The following MTMR8 variants were observed in gnomAD, a reference collection of about 807,000 sequenced individuals.
The protein encoded by MTMR8 is myotubularin related protein 8, also known as phosphatidylinositol-3,5-bisphosphate 3-phosphatase MTMR8.
In MTMR8, 65 loss-of-function variants were observed where a neutral mutation model predicts 39.3. The ratio of observed to expected loss-of-function variants is 1.65; its 90% CI spans 1.35 to 2.03. The LOEUF (loss-of-function observed/expected upper bound fraction) is 2.03. Ranked by LOEUF, MTMR8 falls within the 30% of genes most tolerant of loss-of-function variation. The pLI is 0.00. For missense variants in MTMR8, 777 were observed against 538.9 expected (o/e 1.44, Z -4.37); for synonymous variants, 245 against 185.2 (o/e 1.32, Z -2.62).
At chrX:64,296,032 C>T (rs1921568094) in intron 12 of MTMR8, among the ~76,000 whole-genome samples, 1 of 111,837 alleles carries the variant, frequency 8.9e-6, no homozygotes, top group Non-Finnish European at 1.9e-5. Context: ...AATTATTAGC[C>T]AAAGCTAAAA....
chrX:64,349,945 G>A lies in MTMR8; in HGVS notation c.594C>T (p.Asn198=). 1.7e-6 allele frequency: 2 copies of A among 1,157,088 alleles called. No homozygotes were observed. The highest frequency in any genetic ancestry group is 2.3e-6 in the Non-Finnish European group (2 of 867,536). ...VPVLSYLYKE[N]NAAICRCSQP... ...TAGAGAAATCTGCTTAACTTACATT[G>A]TTCTCTTTGTAGAGGTAGGAGAGCA... The change falls in exon 5 of 14, where the codon AAC becomes AAT. Residue 198 remains asparagine, a synonymous_variant. Coordinates refer to ENST00000374852, the MANE Select transcript of MTMR8 (RefSeq NM_017677.4).
At chrX:64,312,133 T>C (rs1200658043) in intron 12 of MTMR8, among the ~76,000 whole-genome samples, 2 of 111,806 alleles carry the variant, frequency 1.8e-5, no homozygotes, top group Non-Finnish European at 3.8e-5. Flanking sequence ...TTCCTACCCA[T>C]GAGCATGGAA....
rs149214410 is a variant in MTMR8 at position 64,389,573 on chromosome X, T to A, written c.24+5767A>T. Among the ~76,000 whole-genome samples, 435 of 111,720 alleles carry A rather than the reference T, an allele frequency of 3.9e-3. 1 individual carries two copies. The highest frequency in any genetic ancestry group is 0.014 in the African/African-American group (417 of 30,736). ...AACAGTGTCTAAAATGCCAGACCAC[T>A]GCCACCAGGGCTTTCTAGGTAGCCT... On this transcript the variant is annotated intron_variant, in intron 1 of 13. Transcript: ENST00000374852.
chrX:64,313,801 T>G (rs1016379240), intron 12 of MTMR8, among the ~76,000 whole-genome samples: 1 of 112,718 alleles, frequency 8.9e-6, no homozygotes, highest in African/African-American at 3.2e-5. Flanking sequence ...TTCAGCCATC[T>G]TAGCCTGGTT....
chrX:64,284,933 C>T lies in MTMR8; in HGVS notation c.1482-13860G>A, dbSNP rs769253856. ...TGAATCAACTAATGAGCAAAATAAC[C>T]AGCTAACATCATAACGACAGGATCA... On this transcript the variant is annotated intron_variant, in intron 12 of 13. Transcript: ENST00000374852. Among the ~76,000 whole-genome samples, 5 of 111,950 alleles carry T rather than the reference C, an allele frequency of 4.5e-5. No individual in the cohort carries two copies. The South Asian group carries it at 1.1e-3, about 25-fold the overall frequency.
chrX:64,331,515 C>A (rs771515886), intron 11 of MTMR8, 42 bp downstream of exon 11: 10 of 1,155,705 alleles, frequency 8.7e-6, no homozygotes, highest in African/African-American at 1.8e-5. Flanking sequence ...TTGCACTGAC[C>A]ACCTTCTCCC....
Position 64,300,322 on chromosome X carries a change from T to C in MTMR8, c.1481+28450A>G, listed in dbSNP as rs1921808455. The stretch of plus-strand genomic sequence containing the variant: ...GCTCTTCTTGTTGAATTGATCCCTT[T>C]ACCATTATGTAATGGCCTTGTCTCT... On this transcript the variant is annotated intron_variant, in intron 12 of 13. Coordinates refer to ENST00000374852, the MANE Select transcript of MTMR8 (RefSeq NM_017677.4). Among the ~76,000 whole-genome samples the C allele has an allele frequency of 3.6e-5, 4 of 111,926 alleles. 1 individual carries two copies. In the South Asian group the frequency reaches 1.5e-3, roughly 42 times the overall value.
intron 4 of MTMR8, among the ~76,000 whole-genome samples, chrX:64,351,006 T>A (rs1182817701): frequency 3.6e-5 from 4 of 111,781 alleles, no homozygotes; most frequent in Non-Finnish European, 5.6e-5. Flanking sequence ...ATGTAACTCA[T>A]TAAAGTCAAT....
chrX:64,324,123 G>A (rs888482877), intron 12 of MTMR8, among the ~76,000 whole-genome samples: 2 of 112,344 alleles, frequency 1.8e-5, no homozygotes, highest in Non-Finnish European at 1.9e-5. Context: ...AGCACTTTTG[G>A]GGGGGCCAAA....
chrX:64,387,051 C>T (rs1264008810), intron 1 of MTMR8, among the ~76,000 whole-genome samples: 1 of 110,807 alleles, frequency 9.0e-6, no homozygotes, highest in African/African-American at 3.3e-5. Context: ...AAGGCCTTGT[C>T]TCAAAAAAGA....
At chrX:64,312,826 G>C (rs1922354310) in intron 12 of MTMR8, among the ~76,000 whole-genome samples, 2 of 112,248 alleles carry the variant, frequency 1.8e-5, no homozygotes, top group African/African-American at 6.5e-5. Context: ...ATCTCCATAA[G>C]AGCTCCTAGA....
At position 64,268,865 on chromosome X, in the gene MTMR8, G is replaced by C. The variant is rs139492339; in HGVS notation, c.1787C>G (p.Ala596Gly). ...GTLSREGGLR[A>G]QMDQVKSQGA... The stretch of plus-strand genomic sequence containing the variant: ...CTGGCTTTTTACTTGATCCATCTGA[G>C]CTCGGAGGCCTCCTTCCCTGGATAG... The change falls in exon 14 of 14, where the codon GCT (alanine) becomes GGT (glycine). Residue 596 changes from alanine (A) to glycine (G), a missense_variant. By Grantham distance (60) the Ala-to-Gly change is moderately conservative (BLOSUM62 0). Transcript: ENST00000374852. 5.7e-5 allele frequency: 69 copies of C among 1,209,726 alleles called. No individual in the cohort carries two copies. The African/African-American group carries it at 1.1e-3, about 18-fold the overall frequency.
chrX:64,358,636 T>C (rs895756814), intron 2 of MTMR8, among the ~76,000 whole-genome samples: 2 of 111,402 alleles, frequency 1.8e-5, no homozygotes, highest in Admixed American at 1.9e-4. Flanking sequence ...GCTCTAAAGC[T>C]TTAATCACTA....
chrX:64,358,613 C>T (rs1340427222), intron 2 of MTMR8, among the ~76,000 whole-genome samples: 1 of 111,101 alleles, frequency 9.0e-6, no homozygotes, highest in African/African-American at 3.3e-5. Context: ...GGGATTTCAA[C>T]CTGAGCAGAC....
intron 12 of MTMR8, chrX:64,305,291 AT>A: frequency 5.7e-6 from 1 of 174,843 alleles, no homozygotes; most frequent in African/African-American, 3.1e-5. Flanking sequence ...GCCATTTTTA[AT>A]ATATTAATTC....
intron 12 of MTMR8, among the ~76,000 whole-genome samples, chrX:64,278,956 G>A (rs867963434): frequency 1.8e-5 from 2 of 111,598 alleles, no homozygotes; most frequent in African/African-American, 3.3e-5. Context: ...CGTCCCAGAG[G>A]GGCACCTGCC....
intron 2 of MTMR8, among the ~76,000 whole-genome samples, chrX:64,358,061 C>T (rs1033701611): frequency 3.6e-5 from 4 of 111,806 alleles, no homozygotes; most frequent in African/African-American, 1.3e-4. Flanking sequence ...AGGAACAAAT[C>T]TGGAGACATC....
intron 13 of MTMR8, 141 bp from the exon 14 acceptor site, chrX:64,269,184 C>A (rs1254819196): frequency 1.1e-5 from 6 of 551,316 alleles, no homozygotes; most frequent in Admixed American, 3.9e-5. Context: ...TCCCCCACAA[C>A]ATCTTTCCCT....
chrX:64,354,852 G>A lies in MTMR8; in HGVS notation c.393C>T (p.Asp131=), dbSNP rs1602144110. ...CCATACGCCCAAAGTCTGATATTGG[G>A]TCAATCAGTTTCCATCCACTTTCCC... ...EMRESGWKLI[D]PISDFGRMGI... The change falls in exon 4 of 14, where the codon GAC becomes GAT. Residue 131 remains aspartate (D), a synonymous_variant. Coordinates refer to ENST00000374852, the MANE Select transcript of MTMR8 (RefSeq NM_017677.4). 2 of 1,205,961 alleles carry A rather than the reference G, an allele frequency of 1.7e-6. No homozygotes were observed. Among genetic ancestry groups the A allele is most frequent in the Admixed American group, 2.2e-5 (1 of 45,672 alleles).
Sources: gnomAD v4.1 joint callset for allele counts (sites outside exome capture counted in the v4.1 genomes callset) on GRCh38, gnomAD v4.1.1 for gene constraint, MANE v1.5 for transcripts, NCBI Gene and HGNC (gene_info 2026-07-23, HGNC 2026-07-21) for gene names.